VAV3: variants seen among roughly 807,000 people sequenced by gnomAD.
VAV3 encodes the protein vav guanine nucleotide exchange factor 3.
In VAV3, 94 loss-of-function variants were observed where a neutral mutation model predicts 131.2. The observed-to-expected ratio is 0.72, with a 90% CI of 0.61 to 0.85. The LOEUF (loss-of-function observed/expected upper bound fraction) is 0.85, where lower values mean the gene tolerates loss of function less well. Among genes scored for constraint, VAV3 ranks in the 40% least tolerant of loss-of-function variants. The probability of loss-of-function intolerance (pLI) is 0.00; values close to 1 mark genes in which losing one functional copy is unlikely to be tolerated. For missense variants in VAV3, 939 were observed against 1,002.7 expected (o/e 0.94, Z 0.86); for synonymous variants, 349 against 342.0 (o/e 1.02, Z -0.22).
chr1:107,711,993 C>A (rs1477562849), intron 15 of VAV3, among the ~76,000 whole-genome samples: 3 of 152,030 alleles, frequency 2.0e-5, no homozygotes, highest in African/African-American at 7.2e-5. Flanking sequence ...ACAACGCATT[C>A]AATAAATTAA....
At chr1:107,932,584 G>A (rs968769101) in intron 1 of VAV3, among the ~76,000 whole-genome samples, 6 of 152,100 alleles carry the variant, frequency 3.9e-5, no homozygotes, top group African/African-American at 1.4e-4. Flanking sequence ...TGGAACCAAT[G>A]AATAATACTT....
chr1:107,961,537 A>G (rs1323533182), intron 1 of VAV3, among the ~76,000 whole-genome samples: 1 of 152,240 alleles, frequency 6.6e-6, no homozygotes, highest in Admixed American at 6.5e-5. Context: ...TTTCTTAGAT[A>G]TTCACTGGCC....
chr1:107,698,069 T>C (rs1324483486), intron 17 of VAV3, among the ~76,000 whole-genome samples: 1 of 152,188 alleles, frequency 6.6e-6, no homozygotes, highest in East Asian at 1.9e-4. Context: ...CTTAGACAGA[T>C]TGCATATTTC....
chr1:107,711,891 G>T (rs1359664286), intron 15 of VAV3, among the ~76,000 whole-genome samples: 4 of 151,960 alleles, frequency 2.6e-5, no homozygotes, highest in Admixed American at 6.6e-5. Context: ...TCACCATATT[G>T]GCCAGGCTGG....
intron 15 of VAV3, among the ~76,000 whole-genome samples, chr1:107,724,582 T>C (rs557241128): frequency 3.3e-5 from 5 of 152,008 alleles, no homozygotes; most frequent in Non-Finnish European, 7.4e-5. Context: ...GTGTAAGATA[T>C]GGTGGAGAAT....
chr1:107,833,600 A>G (rs1390170114), intron 2 of VAV3, among the ~76,000 whole-genome samples: 1 of 152,158 alleles, frequency 6.6e-6, no homozygotes, highest in African/African-American at 2.4e-5. Context: ...ACTTACCTAC[A>G]ACATTCTAGG....
At chr1:107,762,031 C>T (rs1664467195) in intron 9 of VAV3, among the ~76,000 whole-genome samples, 1 of 151,472 alleles carries the variant, frequency 6.6e-6, no homozygotes, top group South Asian at 2.1e-4. Flanking sequence ...GAACTTAAAG[C>T]CAAGATTTGG....
At chr1:107,679,787 C>T (rs138238287) in intron 19 of VAV3, among the ~76,000 whole-genome samples, 2,861 of 152,208 alleles carry the variant, frequency 0.019, 50 homozygotes, top group Non-Finnish European at 0.025. Context: ...TTGAAAAAGG[C>T]CTAGCACCTC....
At chr1:107,688,287 G>A (rs1659174329) in intron 18 of VAV3, 94 bp downstream of exon 18, 1 of 1,358,700 alleles carries the variant, frequency 7.4e-7, no homozygotes, top group South Asian at 1.4e-5. Flanking sequence ...ATTTTAAAAG[G>A]CACATTTAAC....
intron 20 of VAV3, among the ~76,000 whole-genome samples, chr1:107,641,799 C>G (rs1029093480): frequency 6.6e-6 from 1 of 151,916 alleles, no homozygotes; most frequent in Non-Finnish European, 1.5e-5. Context: ...ACCCAGAGGT[C>G]CTCGGTTTGG....
intron 25 of VAV3, among the ~76,000 whole-genome samples, chr1:107,577,998 C>A (rs1649772809): frequency 6.6e-6 from 1 of 152,170 alleles, no homozygotes; most frequent in South Asian, 2.1e-4. Context: ...GTTCAGGTAA[C>A]TGCTTGACTT....
intron 19 of VAV3, 135 bp downstream of exon 19, chr1:107,683,353 C>G: frequency 1.1e-6 from 1 of 926,118 alleles, no homozygotes; most frequent in Non-Finnish European, 1.7e-6. Context: ...ACCATGACCT[C>G]CTGGTCACAC....
intron 1 of VAV3, among the ~76,000 whole-genome samples, chr1:107,939,101 C>T (rs1673860595): frequency 6.6e-6 from 1 of 152,180 alleles, no homozygotes; most frequent in Admixed American, 6.5e-5. Flanking sequence ...CTGGGGGCTG[C>T]CCAATTTGCA....
At chr1:107,594,031 A>G (rs1320916269) in intron 25 of VAV3, among the ~76,000 whole-genome samples, 1 of 152,098 alleles carries the variant, frequency 6.6e-6, no homozygotes, top group Non-Finnish European at 1.5e-5. Context: ...AAGTTAGTAT[A>G]AAGTAAATAA....
chr1:107,945,619 C>T (rs1411533695), intron 1 of VAV3, among the ~76,000 whole-genome samples: 2 of 151,904 alleles, frequency 1.3e-5, no homozygotes, highest in African/African-American at 4.8e-5. Context: ...AGGTCAAGCT[C>T]GAGACCAGCC....
intron 20 of VAV3, among the ~76,000 whole-genome samples, chr1:107,639,316 A>G (rs1655162674): frequency 6.6e-6 from 1 of 152,142 alleles, no homozygotes; most frequent in Non-Finnish European, 1.5e-5. Context: ...TAAAGAACAA[A>G]TTAACAAACT....
intron 2 of VAV3, among the ~76,000 whole-genome samples, chr1:107,805,495 T>C (rs376030332): frequency 1.3e-5 from 2 of 152,192 alleles, no homozygotes; most frequent in Admixed American, 6.6e-5. Context: ...AGTTCCAAAT[T>C]TGTTTGATCT....
At chr1:107,768,377 C>T in intron 7 of VAV3, 64 bp downstream of exon 7, 7 of 1,211,604 alleles carry the variant, frequency 5.8e-6, no homozygotes, top group Non-Finnish European at 8.3e-6. Context: ...GATCTGGAAC[C>T]CCCTAAGGAA....
At chr1:107,624,265 T>C (rs1246579943) in intron 20 of VAV3, among the ~76,000 whole-genome samples, 2 of 152,126 alleles carry the variant, frequency 1.3e-5, no homozygotes, top group Non-Finnish European at 2.9e-5. Flanking sequence ...GTCCCTGTGT[T>C]TCTGCAGCAA....
Sources: allele counts gnomAD v4.1 joint callset (sites outside exome capture counted in the v4.1 genomes callset), GRCh38; gene constraint gnomAD v4.1.1; transcripts MANE v1.5; gene names NCBI Gene and HGNC (gene_info 2026-07-23, HGNC 2026-07-21).